RGSL1: variants seen among roughly 807,000 people sequenced by gnomAD.
RGSL1 encodes the protein regulator of G protein signaling protein-like.
In RGSL1, 97 loss-of-function variants were observed where a neutral mutation model predicts 124.7. The observed-to-expected ratio is 0.78, with a 90% confidence interval of 0.66 to 0.92. The LOEUF (loss-of-function observed/expected upper bound fraction) is 0.92, where lower values mean the gene tolerates loss of function less well. Among genes scored for constraint, RGSL1 ranks in the 40% least tolerant of loss-of-function variants. The probability of loss-of-function intolerance (pLI) is 0.00; values close to 1 mark genes in which losing one functional copy is unlikely to be tolerated. For missense variants in RGSL1, 1,233 were observed against 1,288.4 expected (o/e 0.96, Z 0.66); for synonymous variants, 424 against 438.1 (o/e 0.97, Z 0.40).
intron 9 of RGSL1, among the ~76,000 whole-genome samples, chr1:182,500,893 T>C (rs2102145870): frequency 6.6e-6 from 1 of 152,340 alleles, no homozygotes; most frequent in South Asian, 2.1e-4. Flanking sequence ...TTGTGGATTC[T>C]TTAGAATTTT....
intron 1 of RGSL1, chr1:182,453,313 G>A (rs1227375640): frequency 6.6e-6 from 1 of 152,200 alleles, no homozygotes; most frequent in African/African-American, 2.4e-5. Flanking sequence ...GACCTCATAA[G>A]TAAAAGCATA....
Position 182,529,985 on chromosome 1 carries a change from G to T in RGSL1, c.2126-259G>T, listed in dbSNP as rs113586591. Reference sequence around the variant, plus strand: ...CTGCAGAAATAAGTCCTTTAAAAATGTATTTCCCCTTAAGCACTCATCCTG... The same window carrying T: ...CTGCAGAAATAAGTCCTTTAAAAATTTATTTCCCCTTAAGCACTCATCCTG... On this transcript the variant is annotated intron_variant, in intron 11 of 21. Coordinates refer to ENST00000294854, the MANE Select transcript of RGSL1 (RefSeq NM_001137669.2). Among the ~76,000 whole-genome samples the T allele has an allele frequency of 6.9e-3, 1,046 of 152,190 alleles. 15 individuals are homozygous for T. Among genetic ancestry groups the T allele is most frequent in the Middle Eastern group, 0.031 (9 of 294 alleles).
intron 10 of RGSL1, among the ~76,000 whole-genome samples, chr1:182,524,615 T>C (rs1041457471): frequency 3.9e-5 from 6 of 152,196 alleles, no homozygotes; most frequent in African/African-American, 1.4e-4. Flanking sequence ...GTAAGAATAG[T>C]GTAATCTGTG....
intron 4 of RGSL1, among the ~76,000 whole-genome samples, chr1:182,463,605 A>T (rs1021093312): frequency 6.6e-6 from 1 of 152,236 alleles, no homozygotes; most frequent in African/African-American, 2.4e-5. Flanking sequence ...TTTTAAAAAA[A>T]GTTTACAAGA....
At chr1:182,523,584 T>G (rs909822337) in intron 10 of RGSL1, among the ~76,000 whole-genome samples, 3 of 152,240 alleles carry the variant, frequency 2.0e-5, no homozygotes, top group Admixed American at 1.3e-4. Context: ...GTAAGATCAT[T>G]AAGTCCTAGA....
chr1:182,453,842 C>T (rs1481460973), intron 1 of RGSL1, 116 bp from the exon 2 acceptor site: 2 of 650,512 alleles, frequency 3.1e-6, no homozygotes, highest in East Asian at 5.4e-5. Flanking sequence ...ACCCTAGAGG[C>T]TGTCATCATG....
intron 4 of RGSL1, among the ~76,000 whole-genome samples, chr1:182,465,531 C>T (rs1217702640): frequency 2.0e-5 from 3 of 151,866 alleles, no homozygotes; most frequent in Non-Finnish European, 2.9e-5. Context: ...TTAATGGGTG[C>T]AGCACACCAA....
At chr1:182,458,002 A>G (rs1017204216) in intron 2 of RGSL1, among the ~76,000 whole-genome samples, 1 of 152,236 alleles carries the variant, frequency 6.6e-6, no homozygotes, top group Admixed American at 6.5e-5. Context: ...CAAAGTAAAT[A>G]TGTTCTAATA....
Position 182,514,854 on chromosome 1 carries a change from A to T in RGSL1, c.1826-7150A>T, listed in dbSNP as rs112778946. ...TGGTGAAACCTTTGTGCAGAGGGAT[A>T]TGAGGCATTTTTTTCTCCAGATTCT... On this transcript the variant is annotated intron_variant, in intron 9 of 21. Transcript: ENST00000294854. Among the ~76,000 whole-genome samples the T allele has an allele frequency of 9.9e-3, 1,512 of 152,346 alleles. 18 individuals carry two copies. Among genetic ancestry groups the T allele is most frequent in the African/African-American group, 0.029 (1,226 of 41,568 alleles).
chr1:182,545,952 T>A (rs1208067109), intron 15 of RGSL1, among the ~76,000 whole-genome samples: 1 of 152,214 alleles, frequency 6.6e-6, no homozygotes, highest in Non-Finnish European at 1.5e-5. Context: ...TAAACATGTA[T>A]GTCTTTGTCA....
intron 15 of RGSL1, 77 bp downstream of exon 15, chr1:182,540,498 G>C: frequency 7.3e-7 from 1 of 1,362,790 alleles, no homozygotes; most frequent in South Asian, 1.4e-5. Flanking sequence ...AAACTGGCTT[G>C]ATCTGTTAGA....
intron 9 of RGSL1, among the ~76,000 whole-genome samples, chr1:182,509,350 G>C (rs1336896114): frequency 2.8e-5 from 1 of 35,172 alleles, no homozygotes; most frequent in Non-Finnish European, 8.2e-5. Context: ...CGGGGCGGCT[G>C]GCCGGGCAGA....
At chr1:182,501,311 T>TTC (rs1388102731) in intron 9 of RGSL1, among the ~76,000 whole-genome samples, 1 of 9,020 alleles carries the variant, frequency 1.1e-4, no homozygotes, top group Non-Finnish European at 2.5e-4. Flanking sequence ...TCTTTTCTTT[T>TTC]TTTTTTTTTT....
chr1:182,507,822 C>A (rs1656938150), intron 9 of RGSL1, among the ~76,000 whole-genome samples: 1 of 152,068 alleles, frequency 6.6e-6, no homozygotes, highest in Non-Finnish European at 1.5e-5. Flanking sequence ...TCCACCTCAG[C>A]CTCCTCAAGT....
chr1:182,538,188 C>T (rs922075201), intron 14 of RGSL1, among the ~76,000 whole-genome samples: 5 of 152,086 alleles, frequency 3.3e-5, no homozygotes, highest in African/African-American at 1.2e-4. Flanking sequence ...GAGGATAAAT[C>T]CAGTTCTTGG....
At position 182,489,221 on chromosome 1, in the gene RGSL1, ATTTTT is replaced by A. The variant is rs1220095914; in HGVS notation, c.1717+22_1717+26del. ...CTAACAGGTCAGAGCAGTCACTGTA[ATTTTT>A]TTGACCTTTACATATGGGCAACTGG... On this transcript the variant is annotated intron_variant, in intron 8 of 21. Transcript: ENST00000294854. The A allele has an allele frequency of 6.5e-7, 1 of 1,542,738 alleles. No individual in the cohort carries two copies. Among genetic ancestry groups the A allele is most frequent in the East Asian group, 2.4e-5 (1 of 40,892 alleles).
chr1:182,469,799 T>C (rs1237784919), intron 4 of RGSL1, among the ~76,000 whole-genome samples: 1 of 152,050 alleles, frequency 6.6e-6, no homozygotes, highest in Non-Finnish European at 1.5e-5. Flanking sequence ...AGATTTTAAA[T>C]ATATATATAT....
At chr1:182,460,170 G>C in intron 4 of RGSL1, 37 bp downstream of exon 4, 1 of 1,519,070 alleles carries the variant, frequency 6.6e-7, no homozygotes, top group African/African-American at 1.5e-5. Flanking sequence ...CTGTGTGTGT[G>C]TGTGTGTGTG....
At chr1:182,524,101 C>T (rs957195346) in intron 10 of RGSL1, among the ~76,000 whole-genome samples, 6 of 151,900 alleles carry the variant, frequency 3.9e-5, no homozygotes, top group Non-Finnish European at 5.9e-5. Context: ...AGAGTGCATG[C>T]GGTGAAGGGA....
Sources: gnomAD v4.1 joint callset for allele counts (sites outside exome capture counted in the v4.1 genomes callset) on GRCh38, gnomAD v4.1.1 for gene constraint, MANE v1.5 for transcripts, NCBI Gene and HGNC (gene_info 2026-07-23, HGNC 2026-07-21) for gene names.